The following EIPR1 variants were observed in gnomAD, a reference collection of about 807,000 sequenced individuals.
EIPR1 encodes EARP and GARP complex-interacting protein 1.
Under a neutral mutation model 48.1 loss-of-function variants are expected in EIPR1, and 25 were observed. The ratio of observed to expected loss-of-function variants is 0.52; its 90% CI spans 0.38 to 0.73. The LOEUF is 0.73. Ranked by LOEUF, EIPR1 falls within the 30% of genes least tolerant of loss-of-function variation. The probability of loss-of-function intolerance (pLI) is 0.00; values close to 1 mark genes in which losing one functional copy is unlikely to be tolerated. For synonymous variants in EIPR1, 204 were observed against 201.9 expected, an observed-to-expected ratio of 1.01 and a Z score of -0.09; for missense variants, 415 against 506.2, an observed-to-expected ratio of 0.82 and a Z score of 1.73.
intron 1 of EIPR1, among the ~76,000 whole-genome samples, chr2:3,368,779 G>A (rs193068965): frequency 1.3e-5 from 2 of 152,248 alleles, no homozygotes; most frequent in East Asian, 1.9e-4. Context: ...CTAAAAGTGT[G>A]CAAAAGCATT....
At chr2:3,220,030 T>C (rs1485534442) in intron 4 of EIPR1, among the ~76,000 whole-genome samples, 1 of 152,204 alleles carries the variant, frequency 6.6e-6, no homozygotes, top group Admixed American at 6.5e-5. Flanking sequence ...GGGAACCCTG[T>C]TGTGAACTGT....
chr2:3,254,993 T>C (rs994559175), intron 4 of EIPR1, among the ~76,000 whole-genome samples: 12 of 152,164 alleles, frequency 7.9e-5, no homozygotes, highest in African/African-American at 2.9e-4. Context: ...GTTACTCCTA[T>C]AACTATATGT....
In EIPR1 at chr2:3,194,098, TG is replaced by T; in HGVS notation, c.721del (p.Gln241SerfsTer13). On this transcript the variant is annotated frameshift_variant, in exon 7 of 9. Transcript: ENST00000382125. LOFTEE classifies it high-confidence loss of function. ...GTCTCCGCAGCTGGCCAAGTAGTAC[TG>T]CTTATTGGGATTAAAGTCAAGGTCC... ...VRDLDFNPNKQYYLASCGDDC... is the reference protein window; with the variant it reads ...VRDLDFNPNKXYYLASCGDDC... 1 of 1,613,994 alleles carries T rather than the reference TG, an allele frequency of 6.2e-7. No homozygotes were observed. The highest frequency in any genetic ancestry group is 8.5e-7 in the Non-Finnish European group (1 of 1,180,020).
chr2:3,213,005 G>A (rs1056216502), intron 5 of EIPR1, among the ~76,000 whole-genome samples: 3 of 152,032 alleles, frequency 2.0e-5, no homozygotes, highest in Non-Finnish European at 2.9e-5. Flanking sequence ...TAATAATGAT[G>A]CATCATTATT....
At chr2:3,327,220 G>C (rs1268724513) in intron 3 of EIPR1, among the ~76,000 whole-genome samples, 2 of 152,206 alleles carry the variant, frequency 1.3e-5, no homozygotes, top group Non-Finnish European at 1.5e-5. Flanking sequence ...GTCTCATCCT[G>C]TCGCCCAGGC....
At chr2:3,287,280 TCCAGAAAGCTCGTTCACCACAC>T (rs879580750) in intron 3 of EIPR1, among the ~76,000 whole-genome samples, 40,248 of 135,190 alleles carry the variant, frequency 0.3, 5,601 homozygotes, top group African/African-American at 0.32. Context: ...TTCACCACAC[TCCAGAAAGCTCGTTCACCACAC>T]TCCAGAAAGC....
chr2:3,352,068 C>T (rs924723772), intron 2 of EIPR1, among the ~76,000 whole-genome samples: 51 of 143,130 alleles, frequency 3.6e-4, no homozygotes, highest in African/African-American at 1.2e-3. Context: ...GCTACAGAAG[C>T]GACCTGCCCC....
chr2:3,278,415 G>A (rs1455200142), intron 3 of EIPR1, among the ~76,000 whole-genome samples: 1 of 152,134 alleles, frequency 6.6e-6, no homozygotes, highest in African/African-American at 2.4e-5. Flanking sequence ...TTAACCTGTG[G>A]CCAGCCAGCC....
In EIPR1 at chr2:3,354,574, C is replaced by T. The variant is rs372912683; in HGVS notation, c.102G>A (p.Thr34=). The T allele has an allele frequency of 2.5e-5, 40 of 1,613,854 alleles. No homozygotes were observed. The highest frequency in any genetic ancestry group is 1.9e-4 in the South Asian group (17 of 91,072). Reference sequence around the variant, plus strand: ...CCTGATTATCATATTTAAGAGACTGCGTCCCAACCAAAAACCGAATGGCAT... The same window carrying T: ...CCTGATTATCATATTTAAGAGACTGTGTCCCAACCAAAAACCGAATGGCAT... The part of the protein sequence containing the change: ...ETDAIRFLVG[T]QSLKYDNQIH... The change falls in exon 2 of 9, where the codon ACG becomes ACA. Residue 34 remains threonine, a synonymous_variant. Coordinates refer to ENST00000382125, the MANE Select transcript of EIPR1 (RefSeq NM_003310.5).
chr2:3,226,741 G>C (rs1410760693), intron 4 of EIPR1, among the ~76,000 whole-genome samples: 1 of 152,200 alleles, frequency 6.6e-6, no homozygotes, highest in Non-Finnish European at 1.5e-5. Context: ...ATGTCAAATT[G>C]TAATTCCCAG....
intron 2 of EIPR1, among the ~76,000 whole-genome samples, chr2:3,341,253 AGC>A (rs1670239226): frequency 6.6e-6 from 1 of 152,182 alleles, no homozygotes; most frequent in Admixed American, 6.5e-5. Context: ...CACGAGAAGG[AGC>A]ACCTTGTGCG....
At chr2:3,360,081 T>C (rs190801431) in intron 1 of EIPR1, among the ~76,000 whole-genome samples, 3 of 152,326 alleles carry the variant, frequency 2.0e-5, no homozygotes, top group East Asian at 1.9e-4. Context: ...CTAAAAATTC[T>C]GTGTATTTTC....
At chr2:3,266,266 GC>G (rs979950646) in intron 3 of EIPR1, among the ~76,000 whole-genome samples, 34 of 152,324 alleles carry the variant, frequency 2.2e-4, no homozygotes, top group African/African-American at 8.2e-4. Flanking sequence ...GGCTGCATAA[GC>G]AGTACCTTAA....
chr2:3,275,992 A>T (rs1163249384), intron 3 of EIPR1, among the ~76,000 whole-genome samples: 1 of 152,186 alleles, frequency 6.6e-6, no homozygotes, highest in Non-Finnish European at 1.5e-5. Flanking sequence ...GTATTTTTCT[A>T]CTCTATTGCA....
intron 3 of EIPR1, among the ~76,000 whole-genome samples, chr2:3,301,927 A>G (rs1169055406): frequency 6.6e-6 from 1 of 152,236 alleles, no homozygotes; most frequent in Non-Finnish European, 1.5e-5. Context: ...AAGGGTCAGG[A>G]GGCCAGAAGG....
chr2:3,366,721 T>C (rs546232997), intron 1 of EIPR1, among the ~76,000 whole-genome samples: 1 of 152,290 alleles, frequency 6.6e-6, no homozygotes, highest in East Asian at 1.9e-4. Flanking sequence ...AGAAAAATGC[T>C]GAGCAAATGA....
intron 3 of EIPR1, among the ~76,000 whole-genome samples, chr2:3,302,166 GC>G (rs1668781470): frequency 6.6e-6 from 1 of 152,014 alleles, no homozygotes; most frequent in African/African-American, 2.4e-5. Context: ...AAACTTTCCG[GC>G]ATACAGCAAA....
chr2:3,259,981 T>C (rs973326665), intron 3 of EIPR1, among the ~76,000 whole-genome samples: 1 of 152,200 alleles, frequency 6.6e-6, no homozygotes, highest in Non-Finnish European at 1.5e-5. Flanking sequence ...TTTTCAAGAA[T>C]ACATAGTAGA....
At chr2:3,263,641 G>A (rs769284993) in intron 3 of EIPR1, among the ~76,000 whole-genome samples, 8 of 151,972 alleles carry the variant, frequency 5.3e-5, no homozygotes, top group Non-Finnish European at 1.2e-4. Flanking sequence ...TGCGGCCAGC[G>A]CCCTCCCCAG....
Sources: gnomAD v4.1 joint callset for allele counts (sites outside exome capture counted in the v4.1 genomes callset) on GRCh38, gnomAD v4.1.1 for gene constraint, MANE v1.5 for transcripts, NCBI Gene and HGNC (gene_info 2026-07-23, HGNC 2026-07-21) for gene names.